Variants in LRRK1 observed in about 807,000 individuals in gnomAD.
The protein encoded by LRRK1 is leucine-rich repeat serine/threonine-protein kinase 1.
A neutral mutation model predicts 209.1 loss-of-function variants in LRRK1; 113 were observed. That is an observed-to-expected ratio of 0.54 (90% CI 0.46 to 0.63). The LOEUF (loss-of-function observed/expected upper bound fraction) is 0.63. Ranked by LOEUF, LRRK1 falls within the 30% of genes least tolerant of loss-of-function variation. The pLI, the probability that LRRK1 is intolerant of heterozygous loss-of-function variation, is 0.00. For missense variants in LRRK1, 2,284 were observed against 2,632.2 expected (o/e 0.87, Z 2.89); for synonymous variants, 1,144 against 1,099.7 (o/e 1.04, Z -0.80).
At chr15:100,926,406 G>GT (rs1328846109) in intron 2 of LRRK1, among the ~76,000 whole-genome samples, 1 of 152,102 alleles carries the variant, frequency 6.6e-6, no homozygotes, top group Non-Finnish European at 1.5e-5. Flanking sequence ...CCTTGGGTCT[G>GT]TTTGGGGCCT....
At chr15:100,962,327 C>T (rs1596203828) in intron 2 of LRRK1, among the ~76,000 whole-genome samples, 2 of 151,972 alleles carry the variant, frequency 1.3e-5, no homozygotes, top group South Asian at 2.1e-4. Flanking sequence ...GTCAGGAGTT[C>T]GAGACCAGCC....
At chr15:101,045,008 T>C (rs565895515) in intron 20 of LRRK1, among the ~76,000 whole-genome samples, 7 of 152,320 alleles carry the variant, frequency 4.6e-5, no homozygotes, top group African/African-American at 1.7e-4. Flanking sequence ...GTGTCTGCTG[T>C]GTCATCTGCA....
At chr15:100,941,334 C>CCTGTA (rs2042409090) in intron 2 of LRRK1, among the ~76,000 whole-genome samples, 1 of 66,200 alleles carries the variant, frequency 1.5e-5, no homozygotes, top group Non-Finnish European at 2.6e-5. Flanking sequence ...GTGTCTGTGT[C>CCTGTA]TCTGTGTGTG....
At chr15:100,969,569 G>A (rs968365984) in intron 2 of LRRK1, among the ~76,000 whole-genome samples, 1 of 151,892 alleles carries the variant, frequency 6.6e-6, no homozygotes, top group African/African-American at 2.4e-5. Context: ...TGTGCCATGG[G>A]GATTTACTGC....
intron 2 of LRRK1, among the ~76,000 whole-genome samples, chr15:100,970,313 T>G (rs1206656516): frequency 6.6e-6 from 1 of 152,210 alleles, no homozygotes; most frequent in Non-Finnish European, 1.5e-5. Flanking sequence ...CAAGATGATA[T>G]TTGTATATGG....
At chr15:101,021,218 C>A in intron 13 of LRRK1, 36 bp downstream of exon 13, 1 of 1,611,170 alleles carries the variant, frequency 6.2e-7, no homozygotes, top group Non-Finnish European at 8.5e-7. Flanking sequence ...GCTGGCTCTG[C>A]TGGCCCAGAG....
intron 8 of LRRK1, 21 bp downstream of exon 8, chr15:101,010,598 G>T (rs533408246): frequency 6.2e-7 from 1 of 1,606,756 alleles, no homozygotes; most frequent in Admixed American, 1.7e-5. Flanking sequence ...TCATCAACTT[G>T]AGTGAATTAG....
chr15:100,986,695 A>G (rs956329120), intron 4 of LRRK1, among the ~76,000 whole-genome samples: 2 of 152,228 alleles, frequency 1.3e-5, no homozygotes, highest in Admixed American at 6.5e-5. Flanking sequence ...ATTAACATTT[A>G]TTGTTCCCCT....
At chr15:101,008,518 C>T (rs977015330) in intron 6 of LRRK1, among the ~76,000 whole-genome samples, 4 of 152,224 alleles carry the variant, frequency 2.6e-5, no homozygotes, top group African/African-American at 9.6e-5. Flanking sequence ...AATCCCGCCG[C>T]GCTCTTCCCT....
intron 2 of LRRK1, among the ~76,000 whole-genome samples, chr15:100,927,170 G>A (rs376040012): frequency 2.6e-5 from 4 of 152,166 alleles, no homozygotes; most frequent in African/African-American, 9.7e-5. Flanking sequence ...GACAGCCTGC[G>A]TTTCTAGGTC....
chr15:100,980,741 A>G (rs914604183), intron 3 of LRRK1, among the ~76,000 whole-genome samples: 10 of 152,186 alleles, frequency 6.6e-5, no homozygotes, highest in Non-Finnish European at 4.4e-5. Flanking sequence ...CTTTTACAGC[A>G]CTTAAAAACT....
chr15:100,950,847 T>C (rs1421062414), intron 2 of LRRK1, among the ~76,000 whole-genome samples: 3 of 152,200 alleles, frequency 2.0e-5, no homozygotes, highest in African/African-American at 4.8e-5. Context: ...CTCGCGCCTG[T>C]CATCCCAGCA....
rs1296044545 is a variant in LRRK1 at position 101,077,545 on chromosome 15, C to T, written c.*8697C>T. On this transcript the variant is annotated 3_prime_UTR_variant, in exon 34 of 34. Transcript: ENST00000388948. ...CTTTTATACCTGTTTTTCTCCTTTA[C>T]TTATTCCGTTTAGTTTTTCAATTCA... 3 of 152,186 alleles carry T rather than the reference C, an allele frequency of 2.0e-5. No individual in the cohort carries two copies. The highest frequency in any genetic ancestry group is 4.4e-5 in the Non-Finnish European group (3 of 68,030). The allele number at this position is 152,186 out of a possible 1,614,324, so 9.4% of individuals were successfully genotyped here.
In LRRK1 at chr15:101,025,993, T is replaced by C; in HGVS notation, c.2261T>C (p.Val754Ala). ...EAKAPNAVVL[V>A]VGTHLDLIEA... ...AAGGCCCCAAACGCCGTGGTGCTGG[T>C]GGTCGGGACGCACCTGGATTTAATT... Residue 754 changes from valine (V) to alanine (A), a missense_variant, in exon 17 of 34, where the codon GTG (valine) becomes GCG (alanine). Around this residue, in one of 6 missense-constraint regions of LRRK1, gnomAD observed 780 missense variants for 985.2 expected, o/e 0.79. Transcript: ENST00000388948. The C allele has an allele frequency of 6.2e-7, 1 of 1,614,182 alleles. No homozygotes were observed. Among genetic ancestry groups the C allele is most frequent in the Non-Finnish European group, 8.5e-7 (1 of 1,180,022 alleles).
At chr15:101,009,988 T>C (rs943543480) in intron 7 of LRRK1, among the ~76,000 whole-genome samples, 2 of 152,184 alleles carry the variant, frequency 1.3e-5, no homozygotes, top group African/African-American at 2.4e-5. Flanking sequence ...GAGTCAAGAA[T>C]GTTGGAAAGA....
At chr15:101,015,254 T>C in intron 11 of LRRK1, 72 bp from the exon 12 acceptor site, 2 of 1,251,942 alleles carry the variant, frequency 1.6e-6, no homozygotes, top group Middle Eastern at 1.9e-4. Context: ...GGCTTGGCAT[T>C]ATAACATCAC....
chr15:100,978,214 A>G (rs1209844551), intron 3 of LRRK1, among the ~76,000 whole-genome samples: 1 of 152,236 alleles, frequency 6.6e-6, no homozygotes, highest in Non-Finnish European at 1.5e-5. Flanking sequence ...GCAAAAGAAA[A>G]TAGACTGAAC....
intron 2 of LRRK1, among the ~76,000 whole-genome samples, chr15:100,942,099 A>G (rs1172768740): frequency 1.3e-5 from 2 of 152,232 alleles, no homozygotes; most frequent in African/African-American, 2.4e-5. Context: ...TGGTGGCTGC[A>G]GCCGGGCTCA....
At chr15:100,962,892 C>T (rs1293902532) in intron 2 of LRRK1, among the ~76,000 whole-genome samples, 4 of 133,662 alleles carry the variant, frequency 3.0e-5, no homozygotes, top group Non-Finnish European at 6.3e-5. Flanking sequence ...GGCGCAATCT[C>T]GGCTCACCAC....
Sources: gnomAD v4.1 joint callset for allele counts (sites outside exome capture counted in the v4.1 genomes callset) on GRCh38, gnomAD v4.1.1 for gene constraint, gnomAD v4.1.1 regional missense constraint, MANE v1.5 for transcripts, NCBI Gene and HGNC (gene_info 2026-07-23, HGNC 2026-07-21) for gene names.